CCDC57: variants seen among roughly 807,000 people sequenced by gnomAD.
CCDC57 encodes the protein coiled-coil domain containing 57, also known as coiled-coil domain-containing protein 57.
In CCDC57, 118 loss-of-function variants were observed where a neutral mutation model predicts 118.9. The observed-to-expected ratio is 0.99, with a 90% confidence interval of 0.86 to 1.16. The LOEUF (loss-of-function observed/expected upper bound fraction) is 1.16, where lower values mean the gene tolerates loss of function less well. Among genes scored for constraint, CCDC57 ranks in the 50% most tolerant of loss-of-function variants. The pLI is 0.00. For synonymous variants in CCDC57, 527 were observed against 532.9 expected (o/e 0.99, Z 0.15); for missense variants, 1,300 against 1,320.7 (o/e 0.98, Z 0.24).
At chr17:82,201,640 A>G (rs1486071913) in exon 3 of CCDC57, 16 of 1,613,744 alleles carry the variant, frequency 9.9e-6, no homozygotes, top group Non-Finnish European at 1.4e-5. Flanking sequence ...CGCCTGCCTC[A>G]GCTTAGCTGC....
chr17:82,177,134 C>T (rs2045622845), intron 11 of CCDC57, among the ~76,000 whole-genome samples: 1 of 151,836 alleles, frequency 6.6e-6, no homozygotes, highest in Non-Finnish European at 1.5e-5. Context: ...AATCTGAGCG[C>T]TTTGGGAGGC....
intron 19 of CCDC57, chr17:82,126,511 GA>G: frequency 2.0e-6 from 2 of 978,832 alleles, no homozygotes; most frequent in Non-Finnish European, 2.4e-6. Flanking sequence ...GCAGGTAACT[GA>G]AGAACAGGGA....
chr17:82,164,115 C>T (rs1282506745), intron 13 of CCDC57, among the ~76,000 whole-genome samples: 1 of 152,092 alleles, frequency 6.6e-6, no homozygotes, highest in African/African-American at 2.4e-5. Context: ...GTGGCTCACG[C>T]CTGTAATCTC....
intron 16 of CCDC57, among the ~76,000 whole-genome samples, chr17:82,138,406 C>T (rs1301974318): frequency 6.6e-6 from 1 of 151,926 alleles, no homozygotes; most frequent in Non-Finnish European, 1.5e-5. Flanking sequence ...CCTCAGCCTC[C>T]CAAAGTGCTG....
At chr17:82,126,472 A>T in intron 19 of CCDC57, 1 of 976,552 alleles carries the variant, frequency 1.0e-6, no homozygotes, top group Non-Finnish European at 1.2e-6. Context: ...CAAATCAATA[A>T]GAAAGACCAC....
chr17:82,142,803 C>T (rs571022385), intron 16 of CCDC57, among the ~76,000 whole-genome samples: 2 of 152,156 alleles, frequency 1.3e-5, no homozygotes, highest in Non-Finnish European at 2.9e-5. Context: ...GTATTCCGCA[C>T]ATTTGGTTTA....
At chr17:82,133,910 C>A (rs1428460324) in intron 17 of CCDC57, among the ~76,000 whole-genome samples, 163 bp downstream of exon 16, 2 of 152,038 alleles carry the variant, frequency 1.3e-5, no homozygotes, top group Admixed American at 1.3e-4. Context: ...AAAACAAAAA[C>A]CCAGCAGAAA....
At chr17:82,111,848 C>CTGCCCA in intron 19 of CCDC57, 1 of 151,932 alleles carries the variant, frequency 6.6e-6, no homozygotes, top group East Asian at 1.9e-4. Flanking sequence ...CTCAAGTGAT[C>CTGCCCA]CATCTACCTT....
intron 4 of CCDC57, among the ~76,000 whole-genome samples, chr17:82,197,319 C>T (rs1336434274): frequency 6.6e-6 from 1 of 152,262 alleles, no homozygotes; most frequent in Admixed American, 6.5e-5. Flanking sequence ...TGCAGAGATG[C>T]AGCCCCTTGT....
intron 11 of CCDC57, among the ~76,000 whole-genome samples, chr17:82,176,035 G>T (rs1051251600): frequency 2.0e-5 from 3 of 152,194 alleles, no homozygotes; most frequent in Admixed American, 2.0e-4. Context: ...AGCTGAGGCG[G>T]GGCTTGCTTG....
intron 2 of CCDC57, among the ~76,000 whole-genome samples, chr17:82,204,277 G>A (rs772918622): frequency 1.4e-4 from 22 of 152,060 alleles, no homozygotes; most frequent in East Asian, 5.8e-4. Flanking sequence ...GGTCCCTACC[G>A]ACCATCTCAG....
chr17:82,121,096 C>G (rs1220651366), intron 19 of CCDC57, among the ~76,000 whole-genome samples: 1 of 152,134 alleles, frequency 6.6e-6, no homozygotes, highest in Non-Finnish European at 1.5e-5. Context: ...CTAAGAAATA[C>G]CAGCCGTTGC....
chr17:82,198,281 G>T, intron 4 of CCDC57, 33 bp downstream of exon 3: 1 of 1,341,314 alleles, frequency 7.5e-7, no homozygotes, highest in Non-Finnish European at 1.1e-6. Flanking sequence ...GGCAGGGAAA[G>T]CACCCAGGAA....
intron 19 of CCDC57, chr17:82,107,319 G>A: frequency 2.3e-6 from 1 of 425,778 alleles, no homozygotes; most frequent in Non-Finnish European, 4.8e-6. Context: ...TTGGGGGTGG[G>A]GGGATGCATG....
intron 11 of CCDC57, among the ~76,000 whole-genome samples, chr17:82,177,830 C>T (rs897730518): frequency 2.0e-5 from 3 of 152,188 alleles, no homozygotes; most frequent in Non-Finnish European, 2.9e-5. Flanking sequence ...CAGGCCTGCG[C>T]GTTCTACTGT....
At chr17:82,184,599 G>A (rs1250334661) in intron 8 of CCDC57, among the ~76,000 whole-genome samples, 2 of 152,320 alleles carry the variant, frequency 1.3e-5, no homozygotes, top group East Asian at 3.9e-4. Flanking sequence ...CTAAGAGATG[G>A]GAAGACGGCC....
At chr17:82,127,664 G>A in intron 19 of CCDC57, 28 bp downstream of exon 18, 1 of 1,567,982 alleles carries the variant, frequency 6.4e-7, no homozygotes, top group Non-Finnish European at 8.6e-7. Flanking sequence ...CCAGCTGTGG[G>A]CAGCTCCTGG....
rs143574496 is a variant in CCDC57, at chr17:82,194,066, G to A, written c.692C>T (p.Ala231Val). Reference sequence around the variant, plus strand: ...CTCCAGCTCGGCGTTGGTGGCCTCTGCCCTCTGCAGACTCTCTGCAGCCTT... The same window carrying A: ...CTCCAGCTCGGCGTTGGTGGCCTCTACCCTCTGCAGACTCTCTGCAGCCTT... The change falls in exon 6 of 20, where the codon GCA (alanine) becomes GTA (valine). Residue 231 changes from alanine to valine, a missense_variant. Ala to Val is a moderately conservative substitution (Grantham distance 64, BLOSUM62 0). Transcript: ENST00000665763. The A allele has an allele frequency of 5.6e-5, 90 of 1,613,902 alleles. No individual in the cohort carries two copies. In the African/African-American group the frequency reaches 1.0e-3, roughly 18 times the overall value.
Position 82,201,723 on chromosome 17 carries a change from A to T in CCDC57, c.222T>A (p.Tyr74Ter), listed in dbSNP as rs773183454. 3.1e-6 allele frequency: 5 copies of T among 1,613,880 alleles called. No homozygotes were observed. Among genetic ancestry groups the T allele is most frequent in the Non-Finnish European group, 4.2e-6 (5 of 1,179,824 alleles). Reference sequence around the variant, plus strand: ...CCCTGGCCTGGGCGAAGGCGGCGTCATAGCGCTCCAGCTCGAGGTCCCGCT... The same window carrying T: ...CCCTGGCCTGGGCGAAGGCGGCGTCTTAGCGCTCCAGCTCGAGGTCCCGCT... Residue 74 changes from tyrosine (Y) to a stop codon, truncating the protein, a stop_gained, in exon 3 of 20, where the codon TAT (tyrosine) becomes TAA (stop). Coordinates refer to ENST00000665763, the Ensembl canonical transcript of CCDC57. LOFTEE classifies it high-confidence loss of function.
Sources: gnomAD v4.1 joint callset for allele counts (sites outside exome capture counted in the v4.1 genomes callset) on GRCh38, gnomAD v4.1.1 for gene constraint, MANE v1.5 for transcripts, NCBI Gene and HGNC (gene_info 2026-07-23, HGNC 2026-07-21) for gene names.